RCOR3: variants seen among roughly 807,000 people sequenced by gnomAD.
The protein encoded by RCOR3 is REST corepressor 3.
Under a neutral mutation model 64.1 loss-of-function variants are expected in RCOR3, and 13 were observed. That is an observed-to-expected ratio of 0.20 (90% confidence interval 0.13 to 0.32). RCOR3 has a LOEUF of 0.32. RCOR3 is among the 10% of genes least tolerant of loss of function. RCOR3 has a pLI of 1.00. For missense variants in RCOR3, 489 were observed against 701.2 expected, an observed-to-expected ratio of 0.70 and a Z score of 3.42; for synonymous variants, 215 against 239.0, an observed-to-expected ratio of 0.90 and a Z score of 0.93.
At position 211,315,844 on chromosome 1, in the gene RCOR3, C is replaced by T. The variant is rs1157434677; in HGVS notation, c.*2076C>T. 7 of 152,168 alleles carry T rather than the reference C, an allele frequency of 4.6e-5. No individual in the cohort carries two copies. Among genetic ancestry groups the T allele is most frequent in the Admixed American group, 3.9e-4 (6 of 15,278 alleles). The allele number at this position is 152,168 out of a possible 1,614,324, so 9.4% of individuals were successfully genotyped here. ...TGCATTAGAGCACACAGTAGAAAAA[C>T]TTTAGCTTCATTAGTAATATGACAC... On this transcript the variant is annotated 3_prime_UTR_variant, in exon 12 of 12. Coordinates refer to ENST00000419091, the MANE Select transcript of RCOR3 (RefSeq NM_001136223.3).
At chr1:211,263,551 A>G (rs1694720858) in intron 2 of RCOR3, among the ~76,000 whole-genome samples, 1 of 152,224 alleles carries the variant, frequency 6.6e-6, no homozygotes, top group Non-Finnish European at 1.5e-5. Flanking sequence ...ACCTAAGGAC[A>G]CAATTAAAAC....
chr1:211,313,063 C>T lies in RCOR3; in HGVS notation c.1317+102C>T, dbSNP rs1380666190. The T allele has an allele frequency of 9.5e-6, 15 of 1,577,492 alleles. No homozygotes were observed. Among genetic ancestry groups the T allele is most frequent in the Non-Finnish European group, 1.3e-5 (15 of 1,162,672 alleles). On this transcript the variant is annotated intron_variant, in intron 11 of 11. Transcript: ENST00000419091. This position sits in a 1 kb window ranked among gnomAD's most constrained non-coding sequence, Gnocchi z 4.7. ...TGTCAAGAGGACTAGCTAAATTGAG[C>T]ATGAAAGGTTGACAATACACTTCTT...
rs202201412 is a variant in RCOR3, at chr1:211,312,820, G to A, written c.1176G>A (p.Arg392=). 5 of 1,614,210 alleles carry A rather than the reference G, an allele frequency of 3.1e-6. No homozygotes were observed. Among genetic ancestry groups the A allele is most frequent in the Admixed American group, 3.3e-5 (2 of 60,024 alleles). Residue 392 remains arginine, a synonymous_variant, in exon 11 of 12, where the codon CGG becomes CGA. Transcript: ENST00000419091. This position sits in a 1 kb window ranked among gnomAD's most constrained non-coding sequence, Gnocchi z 5.0. ...ACTTCTTTGTAAACTACAGGCGTCG[G>A]TTTAACTTAGAGGAGGTATTGCAGG... ...VKNFFVNYRR[R]FNLEEVLQEW...
At position 211,312,974 on chromosome 1, in the gene RCOR3, A is replaced by G. The variant is rs1158100594; in HGVS notation, c.1317+13A>G. The G allele has an allele frequency of 1.2e-6, 2 of 1,614,142 alleles. No homozygotes were observed. Among genetic ancestry groups the G allele is most frequent in the Admixed American group, 1.7e-5 (1 of 60,022 alleles). On this transcript the variant is annotated intron_variant, in intron 11 of 11. Coordinates refer to ENST00000419091, the MANE Select transcript of RCOR3 (RefSeq NM_001136223.3). The surrounding 1 kb of genome is among the most constrained non-coding windows in gnomAD (Gnocchi z 5.0). Reference sequence around the variant, plus strand: ...TGAAGAAGAGGAGGTGTGTTTGTGTATGGAATTTGAGCTAATATGAGTTGA... The same window carrying G: ...TGAAGAAGAGGAGGTGTGTTTGTGTGTGGAATTTGAGCTAATATGAGTTGA...
intron 9 of RCOR3, chr1:211,302,600 T>A (rs1328151527): frequency 2.0e-5 from 3 of 152,232 alleles, no homozygotes; most frequent in South Asian, 2.1e-4. Flanking sequence ...TAACTATTTT[T>A]AAAAAAACTA....
chr1:211,309,363 A>G (rs956750588), intron 10 of RCOR3, among the ~76,000 whole-genome samples: 5 of 152,234 alleles, frequency 3.3e-5, no homozygotes, highest in Non-Finnish European at 5.9e-5. Flanking sequence ...TGGTTGGAAT[A>G]TGTGGGCTTT....
At chr1:211,287,981 AG>A (rs963109925) in intron 7 of RCOR3, among the ~76,000 whole-genome samples, 1 of 152,106 alleles carries the variant, frequency 6.6e-6, no homozygotes, top group African/African-American at 2.4e-5. Flanking sequence ...AGCCCAAGGT[AG>A]GCAGATCACT....
chr1:211,297,690 A>G (rs915769084), intron 9 of RCOR3, among the ~76,000 whole-genome samples: 2 of 152,314 alleles, frequency 1.3e-5, no homozygotes, highest in Non-Finnish European at 2.9e-5. Flanking sequence ...TATTGAACTT[A>G]TATGATATGA....
rs536142649 is a variant in RCOR3 at position 211,277,097 on chromosome 1, C to A, written c.516+679C>A. Among the ~76,000 whole-genome samples the A allele has an allele frequency of 2.8e-3, 402 of 146,086 alleles. 2 individuals are homozygous for A. The highest frequency in any genetic ancestry group is 9.2e-3 in the African/African-American group (366 of 39,666). On this transcript the variant is annotated intron_variant, in intron 5 of 11. Coordinates refer to ENST00000419091, the MANE Select transcript of RCOR3 (RefSeq NM_001136223.3). The stretch of plus-strand genomic sequence containing the variant: ...CGAGACTCTGTCTCAAAAAAAAAAA[C>A]AAAAAAAACAAAAAAACAAAAAAAA...
rs762224105 is a variant in RCOR3, at chr1:211,279,300, A to G, written c.704A>G (p.Lys235Arg). The change falls in exon 7 of 12, where the codon AAA becomes AGA. Residue 235 changes from lysine to arginine, a missense_variant. Physicochemically the swap from Lys to Arg is conservative, Grantham distance 26. Coordinates refer to ENST00000419091, the MANE Select transcript of RCOR3 (RefSeq NM_001136223.3). ...AATGATAGTGATTATGATCCCAAAA[A>G]AGAAGCCAAAAAAGAGGTAATGATG... Reference protein sequence around the residue: ...DGNDSDYDPKKEAKKEGNTEQ... With the variant: ...DGNDSDYDPKREAKKEGNTEQ... 2.5e-6 allele frequency: 4 copies of G among 1,611,350 alleles called. No homozygotes were observed. The African/African-American group carries it at 5.3e-5, about 21-fold the overall frequency.
intron 10 of RCOR3, among the ~76,000 whole-genome samples, chr1:211,310,873 T>C (rs1207787197): frequency 6.6e-6 from 1 of 152,208 alleles, no homozygotes. Context: ...TTTTCACTTC[T>C]AAACTCGTGT....
At chr1:211,299,423 G>A (rs149505145) in intron 9 of RCOR3, among the ~76,000 whole-genome samples, 37 of 152,302 alleles carry the variant, frequency 2.4e-4, no homozygotes, top group Admixed American at 5.2e-4. Flanking sequence ...AAGAATAAGT[G>A]TAACTGAAAA....
At chr1:211,300,980 G>A (rs924710653) in intron 9 of RCOR3, among the ~76,000 whole-genome samples, 3 of 152,042 alleles carry the variant, frequency 2.0e-5, no homozygotes, top group Admixed American at 6.6e-5. Context: ...TGGTTTAACC[G>A]AAAAACTAGT....
chr1:211,302,487 A>G (rs1700477113), intron 9 of RCOR3: 1 of 152,200 alleles, frequency 6.6e-6, no homozygotes, highest in Non-Finnish European at 1.5e-5. Flanking sequence ...AAAACAAAAA[A>G]TGACCCATTT....
At chr1:211,290,613 A>G (rs1699135576) in intron 8 of RCOR3, among the ~76,000 whole-genome samples, 2 of 152,156 alleles carry the variant, frequency 1.3e-5, no homozygotes, top group South Asian at 2.1e-4. Flanking sequence ...CCTGGGCTCA[A>G]GCAATCTTCC....
intron 3 of RCOR3, 104 bp downstream of exon 3, chr1:211,271,413 C>A: frequency 1.2e-6 from 1 of 820,432 alleles, no homozygotes; most frequent in Non-Finnish European, 2.0e-6. Flanking sequence ...CATAAGAAAA[C>A]AGTTTTGTCT....
chr1:211,304,247 C>T (rs1700650826), intron 10 of RCOR3, 107 bp downstream of exon 10: 2 of 737,534 alleles, frequency 2.7e-6, no homozygotes, highest in South Asian at 5.7e-5. Context: ...AGAAAGGGCT[C>T]TTGTGTTTAT....
intron 8 of RCOR3, among the ~76,000 whole-genome samples, chr1:211,291,947 C>T (rs1437840215): frequency 6.6e-6 from 1 of 152,074 alleles, no homozygotes; most frequent in African/African-American, 2.4e-5. Context: ...AGTGAGACTT[C>T]ATCTCTATAA....
chr1:211,260,015 A>C, intron 1 of RCOR3, 93 bp from the exon 2 acceptor site: 1 of 1,269,392 alleles, frequency 7.9e-7, no homozygotes. Context: ...TCTTTCCTCC[A>C]TCTAGCGATT....
Sources: gnomAD v4.1 joint callset for allele counts (sites outside exome capture counted in the v4.1 genomes callset) on GRCh38, gnomAD v4.1.1 for gene constraint, Gnocchi (gnomAD v3.1) non-coding constraint, MANE v1.5 for transcripts, NCBI Gene and HGNC (gene_info 2026-07-23, HGNC 2026-07-21) for gene names.